The following RHOQ variants were observed in gnomAD, a reference collection of about 807,000 sequenced individuals.
The protein encoded by RHOQ is rho-related GTP-binding protein RhoQ.
A neutral mutation model predicts 25.8 loss-of-function variants in RHOQ; 7 were observed. The observed-to-expected ratio is 0.27, with a 90% CI of 0.15 to 0.51. The LOEUF (loss-of-function observed/expected upper bound fraction) is 0.51. Ranked by LOEUF, RHOQ falls within the 20% of genes least tolerant of loss-of-function variation. The pLI is 0.97. For missense variants in RHOQ, 165 were observed against 260.6 expected (o/e 0.63, Z 2.53); for synonymous variants, 97 against 98.6 (o/e 0.98, Z 0.10).
chr2:46,543,835 G>A, intron 2 of RHOQ, 23 bp downstream of exon 2: 1 of 1,605,932 alleles, frequency 6.2e-7, no homozygotes, highest in Non-Finnish European at 8.5e-7. Flanking sequence ...GCCTCTGGCC[G>A]ACGCCCCCCT....
In RHOQ at chr2:46,552,197, G is replaced by C. The variant is rs1309825614; in HGVS notation, c.201+8385G>C. The stretch of plus-strand genomic sequence containing the variant: ...CGGCTGCTAAAACGGCTCCTACAAA[G>C]ACTTCTGCCCCACGTGACGTTACGG... On this transcript the variant is annotated intron_variant, in intron 2 of 4. Transcript: ENST00000238738. This position sits in a 1 kb window ranked among gnomAD's most constrained non-coding sequence, Gnocchi z 5.0. 6.6e-6 allele frequency among the ~76,000 whole-genome samples: 1 copy of C among 152,226 alleles called. No homozygotes were observed. The highest frequency in any genetic ancestry group is 1.5e-5 in the Non-Finnish European group (1 of 68,044).
intron 2 of RHOQ, among the ~76,000 whole-genome samples, chr2:46,544,982 T>C (rs1232991887): frequency 6.6e-6 from 1 of 152,204 alleles, no homozygotes; most frequent in Non-Finnish European, 1.5e-5. Context: ...TGATTAGAGT[T>C]TAGGTTGGAT....
At chr2:46,553,607 G>A (rs967159507) in intron 2 of RHOQ, among the ~76,000 whole-genome samples, 12 of 151,208 alleles carry the variant, frequency 7.9e-5, no homozygotes, top group African/African-American at 2.4e-4. Flanking sequence ...TTGAGACAGA[G>A]TCTCGCTCTA....
intron 2 of RHOQ, among the ~76,000 whole-genome samples, chr2:46,544,155 C>G (rs1004148965): frequency 6.6e-6 from 1 of 151,262 alleles, no homozygotes; most frequent in Non-Finnish European, 1.5e-5. Context: ...GACCAGGTCT[C>G]CCCCCCACAG....
chr2:46,550,832 T>G (rs1004998739), intron 2 of RHOQ, among the ~76,000 whole-genome samples: 3 of 152,084 alleles, frequency 2.0e-5, no homozygotes, highest in African/African-American at 2.4e-5. Flanking sequence ...TCAGTTCGGT[T>G]GGTGTTGATT....
In RHOQ at chr2:46,562,761, A is replaced by G. The variant is rs149033573; in HGVS notation, c.202-13326A>G. ...GTATTTGAGATATATCAGTTTAGCT[A>G]TTTTCTCAGTATTTTAATAAAATAC... On this transcript the variant is annotated intron_variant, in intron 2 of 4. Transcript: ENST00000238738. Among the ~76,000 whole-genome samples the G allele has an allele frequency of 2.6e-4, 39 of 152,112 alleles. No individual in the cohort carries two copies. The East Asian group carries it at 6.4e-3, about 25-fold the overall frequency.
intron 2 of RHOQ, among the ~76,000 whole-genome samples, chr2:46,570,005 T>G (rs1033574543): frequency 3.3e-5 from 5 of 152,128 alleles, no homozygotes; most frequent in African/African-American, 1.2e-4. Context: ...TGAACCAAAC[T>G]TACCAAAGTG....
rs1558680222 is a variant in RHOQ at position 46,546,449 on chromosome 2, TAC to T, written c.201+2639_201+2640del. 2.8e-4 allele frequency among the ~76,000 whole-genome samples: 22 copies of T among 79,432 alleles called. 2 individuals carry two copies. The highest frequency in any genetic ancestry group is 1.6e-3 in the South Asian group (4 of 2,436). 52.1% of individuals were successfully genotyped at this position (79,432 alleles called of 152,430 possible). A position where few individuals can be genotyped will look rare whatever the true frequency, so the allele number is the denominator to read the frequency against. ...ATATATATGTATCCGTATACACATATACATATATATATATATATATATATGTG... is the reference window on the plus strand; with the variant it reads ...ATATATATGTATCCGTATACACATATATATATATATATATATATATATGTG... On this transcript the variant is annotated intron_variant, in intron 2 of 4. Transcript: ENST00000238738.
chr2:46,543,843 C>A (rs1214403576), intron 2 of RHOQ, 31 bp downstream of exon 2: 5 of 1,596,588 alleles, frequency 3.1e-6, no homozygotes, highest in Non-Finnish European at 4.3e-6. Context: ...CCGACGCCCC[C>A]CTCCTGTTCC....
intron 2 of RHOQ, among the ~76,000 whole-genome samples, chr2:46,558,109 A>G (rs995502922): frequency 6.6e-6 from 1 of 152,142 alleles, no homozygotes; most frequent in Non-Finnish European, 1.5e-5. Flanking sequence ...AAGTCATATC[A>G]AGTATTCTGT....
intron 2 of RHOQ, among the ~76,000 whole-genome samples, chr2:46,561,049 G>A (rs1183668420): frequency 6.9e-6 from 1 of 145,436 alleles, no homozygotes; most frequent in African/African-American, 2.6e-5. Context: ...CACAAAACCT[G>A]TATATAGACA....
intron 2 of RHOQ, among the ~76,000 whole-genome samples, chr2:46,554,374 G>C (rs1668347551): frequency 6.6e-6 from 1 of 152,204 alleles, no homozygotes; most frequent in African/African-American, 2.4e-5. Flanking sequence ...ATGTGGCCTA[G>C]GGCTGTGCGC....
At chr2:46,564,207 A>G (rs549600973) in intron 2 of RHOQ, among the ~76,000 whole-genome samples, 1 of 152,268 alleles carries the variant, frequency 6.6e-6, no homozygotes, top group South Asian at 2.1e-4. Context: ...TGGAAGACTG[A>G]GGCAGGAAGA....
intron 2 of RHOQ, among the ~76,000 whole-genome samples, chr2:46,557,328 G>A (rs1297104815): frequency 6.6e-6 from 1 of 152,142 alleles, no homozygotes. Flanking sequence ...TAGTAAAAAG[G>A]GAGTTGCTAA....
Position 46,546,490 on chromosome 2 carries a change from ATATATATATATATATATATATG to A in RHOQ, c.201+2685_201+2706del, listed in dbSNP as rs1321536141. Among the ~76,000 whole-genome samples, 28 of 21,200 alleles carry A rather than the reference ATATATATATATATATATATATG, an allele frequency of 1.3e-3. 1 individual carries two copies. Among genetic ancestry groups the A allele is most frequent in the East Asian group, 5.8e-3 (2 of 346 alleles). The allele number at this position is 21,200 out of a possible 152,430, so 13.9% of individuals were successfully genotyped here. A position where few individuals can be genotyped will look rare whatever the true frequency, so the allele number is the denominator to read the frequency against. On this transcript the variant is annotated intron_variant, in intron 2 of 4. Transcript: ENST00000238738. ...TATATATATGTGTATATATATATAT[ATATATATATATATATATATATG>A]TATATACATATATATATATACACAA...
At chr2:46,579,235 T>A (rs1445873106) in intron 4 of RHOQ, among the ~76,000 whole-genome samples, 1 of 152,222 alleles carries the variant, frequency 6.6e-6, no homozygotes, top group Non-Finnish European at 1.5e-5. Context: ...TCCCCTCTCA[T>A]TGGACTCTGC....
At chr2:46,546,736 G>A (rs1410525363) in intron 2 of RHOQ, among the ~76,000 whole-genome samples, 4 of 151,808 alleles carry the variant, frequency 2.6e-5, no homozygotes, top group African/African-American at 9.7e-5. Context: ...TTTAAAAGCA[G>A]CTGATACTTT....
At chr2:46,550,254 AGAATT>A (rs1230832709) in intron 2 of RHOQ, among the ~76,000 whole-genome samples, 1 of 152,036 alleles carries the variant, frequency 6.6e-6, no homozygotes, top group African/African-American at 2.4e-5. Context: ...AAAAAAAAAA[AGAATT>A]GATTCTCATT....
chr2:46,578,765 GAATA>G (rs1201492426), intron 4 of RHOQ, among the ~76,000 whole-genome samples: 3 of 151,260 alleles, frequency 2.0e-5, no homozygotes, highest in Non-Finnish European at 4.4e-5. Flanking sequence ...CAAAATAAAT[GAATA>G]AATAAATAAT....
Sources: gnomAD v4.1 joint callset for allele counts (sites outside exome capture counted in the v4.1 genomes callset) on GRCh38, gnomAD v4.1.1 for gene constraint, Gnocchi (gnomAD v3.1) non-coding constraint, MANE v1.5 for transcripts, NCBI Gene and HGNC (gene_info 2026-07-23, HGNC 2026-07-21) for gene names.